Variants in KDM1A observed in about 807,000 individuals in gnomAD.
The protein encoded by KDM1A is lysine-specific histone demethylase 1A.
In KDM1A, 49 loss-of-function variants were observed where a neutral mutation model predicts 109.4. That is an observed-to-expected ratio of 0.45 (90% CI 0.36 to 0.57). KDM1A has a LOEUF of 0.57. KDM1A is among the 20% of genes least tolerant of loss of function. The probability of loss-of-function intolerance (pLI) is 0.00; values close to 1 mark genes in which losing one functional copy is unlikely to be tolerated. For missense variants in KDM1A, 668 were observed against 1,116.6 expected, an observed-to-expected ratio of 0.60 and a Z score of 5.73; for synonymous variants, 380 against 415.4, an observed-to-expected ratio of 0.91 and a Z score of 1.04.
At chr1:23,027,737 T>A (rs74574138) in intron 1 of KDM1A, among the ~76,000 whole-genome samples, 9 of 150,862 alleles carry the variant, frequency 6.0e-5, no homozygotes, top group African/African-American at 1.7e-4. Context: ...TTTTTTTTTT[T>A]AAGCTTGCTT....
At chr1:23,070,209 T>C (rs1035820168) in intron 12 of KDM1A, among the ~76,000 whole-genome samples, 8 of 152,254 alleles carry the variant, frequency 5.3e-5, no homozygotes, top group Non-Finnish European at 7.3e-5. Context: ...CAGTGGCTTA[T>C]GCCTATAATC....
At chr1:23,076,970 A>AG (rs1445567437) in intron 15 of KDM1A, among the ~76,000 whole-genome samples, 2 of 151,598 alleles carry the variant, frequency 1.3e-5, no homozygotes, top group Non-Finnish European at 2.9e-5. Context: ...GTATCAAAAA[A>AG]AAAAAAAAAT....
Position 23,019,700 on chromosome 1 carries a change from C to G in KDM1A, c.104C>G (p.Ser35Cys). ...ACAGCAGGCGGCTCCGAGAACGGGT[C>G]TGAGGTGGCCGCGCAGCCCGCGGGC... ...PGTAGGSENG[S>C]EVAAQPAGLS... The change falls in exon 1 of 21, where the codon TCT (serine) becomes TGT (cysteine). Residue 35 changes from serine (S) to cysteine (C), a missense_variant. Ser to Cys is a moderately radical substitution (Grantham distance 112). Coordinates refer to ENST00000400181, the MANE Select transcript of KDM1A (RefSeq NM_001009999.3). The G allele has an allele frequency of 2.2e-6, 3 of 1,334,478 alleles. No individual in the cohort carries two copies. The highest frequency in any genetic ancestry group is 2.9e-6 in the Non-Finnish European group (3 of 1,045,868). 82.7% of individuals were successfully genotyped at this position (1,334,478 alleles called of 1,614,324 possible).
At position 23,083,184 on chromosome 1, in the gene KDM1A, T is replaced by G; in HGVS notation, c.2451T>G (p.Ile817Met). Residue 817 changes from isoleucine (I) to methionine (M), a missense_variant, in exon 21 of 21, where the codon ATT becomes ATG. Ile to Met is a conservative substitution (Grantham distance 10). Around this residue, in one of 8 missense-constraint regions of KDM1A, gnomAD observed 69 missense variants for 99.6 expected, o/e 0.69. Transcript: ENST00000400181. ...GPSIPGAPQP[I>M]PRLFFAGEHT... is the part of the protein sequence containing the mutation. ...CTCTTTTTCCCCTAAAATAGCCGATTCCACGACTCTTCTTTGCGGGAGAAC... is the reference window on the plus strand; with the variant it reads ...CTCTTTTTCCCCTAAAATAGCCGATGCCACGACTCTTCTTTGCGGGAGAAC... The G allele has an allele frequency of 6.2e-7, 1 of 1,608,766 alleles. No individual in the cohort carries two copies. Among genetic ancestry groups the G allele is most frequent in the Non-Finnish European group, 8.5e-7 (1 of 1,175,636 alleles).
At chr1:23,066,161 A>T in intron 10 of KDM1A, 90 bp downstream of exon 10, 3 of 867,084 alleles carry the variant, frequency 3.5e-6, no homozygotes, top group South Asian at 3.0e-5. Context: ...CCTTTCAAAG[A>T]TCCTCTCCAT....
At chr1:23,032,284 G>C in intron 2 of KDM1A, among the ~76,000 whole-genome samples, 1 of 151,158 alleles carries the variant, frequency 6.6e-6, no homozygotes. Context: ...TTTACCATAG[G>C]TTCCAAGTTG....
At chr1:23,029,179 T>C (rs921507883) in intron 1 of KDM1A, among the ~76,000 whole-genome samples, 71 of 152,298 alleles carry the variant, frequency 4.7e-4, no homozygotes, top group African/African-American at 1.7e-3. Context: ...TCTAAAGCTA[T>C]ATCAAAGACA....
At chr1:23,051,174 C>T (rs1471094584) in intron 4 of KDM1A, among the ~76,000 whole-genome samples, 2 of 152,134 alleles carry the variant, frequency 1.3e-5, no homozygotes, top group African/African-American at 4.8e-5. Context: ...TTACCCTGTT[C>T]TGCTCATCTT....
chr1:23,043,884 G>T (rs555012771), intron 2 of KDM1A, among the ~76,000 whole-genome samples: 1 of 152,150 alleles, frequency 6.6e-6, no homozygotes, highest in Non-Finnish European at 1.5e-5. Context: ...TTTTATTTAG[G>T]AAGCACTGGC....
At chr1:23,021,840 C>T (rs973131216) in intron 1 of KDM1A, among the ~76,000 whole-genome samples, 1 of 152,148 alleles carries the variant, frequency 6.6e-6, no homozygotes, top group African/African-American at 2.4e-5. Flanking sequence ...GCAGTCACTC[C>T]CCAGTCCTCC....
intron 14 of KDM1A, 110 bp downstream of exon 14, chr1:23,072,307 T>A (rs1643343533): frequency 1.3e-6 from 1 of 751,902 alleles, no homozygotes; most frequent in Non-Finnish European, 2.3e-6. Context: ...GTTCAGTGAG[T>A]GGTTTAAATT....
At chr1:23,024,016 A>AT (rs1016052621) in intron 1 of KDM1A, among the ~76,000 whole-genome samples, 4 of 151,966 alleles carry the variant, frequency 2.6e-5, no homozygotes, top group African/African-American at 9.7e-5. Flanking sequence ...TGCCTGGCTA[A>AT]TTTTTTATTT....
intron 11 of KDM1A, among the ~76,000 whole-genome samples, 164 bp from the exon 12 acceptor site, chr1:23,068,897 A>G (rs1277107769): frequency 4.6e-5 from 7 of 152,220 alleles, no homozygotes; most frequent in Admixed American, 4.6e-4. Flanking sequence ...GTATTATACT[A>G]TATTTAACAT....
intron 9 of KDM1A, among the ~76,000 whole-genome samples, chr1:23,064,021 G>T (rs1204055869): frequency 2.6e-5 from 4 of 151,862 alleles, no homozygotes; most frequent in African/African-American, 9.7e-5. Flanking sequence ...TGAGTAGCTG[G>T]GACCACAGGC....
intron 1 of KDM1A, among the ~76,000 whole-genome samples, chr1:23,028,963 C>T (rs1281454036): frequency 2.0e-5 from 3 of 152,086 alleles, no homozygotes; most frequent in Non-Finnish European, 4.4e-5. Context: ...TAGGTGAATA[C>T]AATTATTCAT....
Position 23,019,885 on chromosome 1 carries a change from A to G in KDM1A, c.289A>G (p.Met97Val), listed in dbSNP as rs1641562306. 4 of 1,564,756 alleles carry G rather than the reference A, an allele frequency of 2.6e-6. No homozygotes were observed. The highest frequency in any genetic ancestry group is 1.4e-5 in the African/African-American group (1 of 70,770). The change falls in exon 1 of 21, where the codon ATG becomes GTG. Residue 97 changes from methionine (M) to valine (V), a missense_variant. This residue lies in a region of KDM1A where 156 missense variants were observed against 163.4 expected (regional missense o/e 0.95). Transcript: ENST00000400181. The stretch of plus-strand genomic sequence containing the variant: ...TGTCGTGCCTGGGTCTGCGACCCCC[A>G]TGGAAACTGGAATAGCAGAGACTCC... Reference protein sequence around the residue: ...PTVVPGSATPMETGIAETPEG... With the variant: ...PTVVPGSATPVETGIAETPEG...
intron 3 of KDM1A, among the ~76,000 whole-genome samples, chr1:23,048,172 A>G (rs1255555307): frequency 6.6e-6 from 1 of 152,062 alleles, no homozygotes; most frequent in Non-Finnish European, 1.5e-5. Flanking sequence ...ATTTAGAGAT[A>G]CTTGGTTGAA....
rs1238562328 is a variant in KDM1A at position 23,063,205 on chromosome 1, GGTGTGGTGTGGGGT to G, written c.1168-2853_1168-2840del. Among the ~76,000 whole-genome samples, 3 of 71,454 alleles carry G rather than the reference GGTGTGGTGTGGGGT, an allele frequency of 4.2e-5. No individual in the cohort carries two copies. The South Asian group carries it at 1.1e-3, about 25-fold the overall frequency. 46.9% of individuals were successfully genotyped at this position (71,454 alleles called of 152,430 possible). A position where few individuals can be genotyped will look rare whatever the true frequency, so the allele number is the denominator to read the frequency against. On this transcript the variant is annotated intron_variant, in intron 9 of 20. Coordinates refer to ENST00000400181, the MANE Select transcript of KDM1A (RefSeq NM_001009999.3). ...CACAGTGCTGTAGCATTGGGGGGGG[GGTGTGGTGTGGGGT>G]GGGTGTGTGTGGGTGTGTGTGTGTG...
intron 15 of KDM1A, among the ~76,000 whole-genome samples, chr1:23,076,061 G>A (rs1325509344): frequency 6.6e-6 from 1 of 152,136 alleles, no homozygotes; most frequent in African/African-American, 2.4e-5. Flanking sequence ...GTTCCTTTGT[G>A]GTTTTTCATG....
Sources: allele counts gnomAD v4.1 joint callset (sites outside exome capture counted in the v4.1 genomes callset), GRCh38; gene constraint gnomAD v4.1.1; regional missense constraint gnomAD v4.1.1; transcripts MANE v1.5; gene names NCBI Gene and HGNC (gene_info 2026-07-23, HGNC 2026-07-21).